The following LAPTM4A variants were observed in gnomAD, a reference collection of about 807,000 sequenced individuals.
LAPTM4A encodes the protein lysosomal-associated transmembrane protein 4A.
A neutral mutation model predicts 29.9 loss-of-function variants in LAPTM4A; 19 were observed. That is an observed-to-expected ratio of 0.64 (90% CI 0.44 to 0.93). The LOEUF (loss-of-function observed/expected upper bound fraction) is 0.93. Among genes scored for constraint, LAPTM4A ranks in the 40% least tolerant of loss-of-function variants. LAPTM4A has a pLI of 0.00. For synonymous variants in LAPTM4A, 105 were observed against 102.1 expected (o/e 1.03, Z -0.17); for missense variants, 293 against 288.5 (o/e 1.02, Z -0.11).
intron 1 of LAPTM4A, among the ~76,000 whole-genome samples, chr2:20,050,489 G>A (rs1558388187): frequency 6.6e-6 from 1 of 152,184 alleles, no homozygotes. Flanking sequence ...AGTTTGTCAC[G>A]GCTTCGGCAA....
chr2:20,037,605 C>T lies in LAPTM4A; in HGVS notation c.242G>A (p.Cys81Tyr). 1 of 1,600,692 alleles carries T rather than the reference C, an allele frequency of 6.2e-7. No individual in the cohort carries two copies. The highest frequency in any genetic ancestry group is 8.5e-7 in the Non-Finnish European group (1 of 1,174,532). The change falls in exon 3 of 7, where the codon TGT becomes TAT. Residue 81 changes from cysteine to tyrosine, a missense_variant. Physicochemically the swap from Cys to Tyr is radical, Grantham distance 194. Transcript: ENST00000175091. The stretch of plus-strand genomic sequence containing the variant: ...AAGAACAGAGACGGCAAAAAGAACA[C>T]AGGCATTATCTAAGAAAACAAAAAC... The part of the protein sequence containing the change: ...YSSERMADNA[C>Y]VLFAVSVLMF...
At chr2:20,042,067 T>A (rs1394681044) in intron 1 of LAPTM4A, among the ~76,000 whole-genome samples, 1 of 152,204 alleles carries the variant, frequency 6.6e-6, no homozygotes, top group Admixed American at 6.5e-5. Flanking sequence ...CAGAACATAA[T>A]GGGATCTCAG....
intron 1 of LAPTM4A, 111 bp downstream of exon 1, chr2:20,051,299 C>A (rs1363824389): frequency 1.4e-6 from 1 of 731,068 alleles, no homozygotes; most frequent in South Asian, 1.5e-5. Context: ...AAAAGCAGCG[C>A]CCCTCCAAGT....
At chr2:20,039,224 A>G (rs1216850886) in intron 2 of LAPTM4A, among the ~76,000 whole-genome samples, 1 of 152,192 alleles carries the variant, frequency 6.6e-6, no homozygotes, top group Non-Finnish European at 1.5e-5. Flanking sequence ...GCATGTATAT[A>G]TAATTTATCA....
At chr2:20,046,754 A>ATATATATAATAT (rs1673930419) in intron 1 of LAPTM4A, among the ~76,000 whole-genome samples, 1 of 131,786 alleles carries the variant, frequency 7.6e-6, no homozygotes, top group Non-Finnish European at 1.7e-5. Flanking sequence ...TATATTATAT[A>ATATATATAATAT]AATATATATA....
intron 2 of LAPTM4A, 137 bp downstream of exon 2, chr2:20,040,754 T>C: frequency 2.4e-6 from 2 of 824,716 alleles, no homozygotes; most frequent in Non-Finnish European, 1.9e-6. Flanking sequence ...TAGGTTTGTG[T>C]AAGTACACCC....
chr2:20,033,559 C>G (rs1201803836), intron 6 of LAPTM4A, among the ~76,000 whole-genome samples: 1 of 152,170 alleles, frequency 6.6e-6, no homozygotes, highest in Non-Finnish European at 1.5e-5. Context: ...TGCCATTGCT[C>G]TGCCCTCATT....
Position 20,047,696 on chromosome 2 carries a change from C to CAAAAAAAAAAAAAAAAAAGAAAAAAG in LAPTM4A, c.111+3713_111+3714insCTTTTTTCTTTTTTTTTTTTTTTTTT, listed in dbSNP as rs61601787. On this transcript the variant is annotated intron_variant, in intron 1 of 6. Coordinates refer to ENST00000175091, the MANE Select transcript of LAPTM4A (RefSeq NM_014713.5). ...TGGGCGACAGAGCGAGACTCCGTCTCAAAAAAAAAAAAAAAGGAAAGTTTT... is the reference window on the plus strand; with the variant it reads ...TGGGCGACAGAGCGAGACTCCGTCTCAAAAAAAAAAAAAAAAAAGAAAAAAGAAAAAAAAAAAAAAAGGAAAGTTTT... Among the ~76,000 whole-genome samples the CAAAAAAAAAAAAAAAAAAGAAAAAAG allele has an allele frequency of 6.4e-4, 49 of 76,680 alleles. No individual in the cohort carries two copies. In the East Asian group the frequency reaches 0.016, roughly 24 times the overall value. 50.3% of individuals were successfully genotyped at this position (76,680 alleles called of 152,430 possible). A position where few individuals can be genotyped will look rare whatever the true frequency, so the allele number is the denominator to read the frequency against.
chr2:20,051,357 A>G, intron 1 of LAPTM4A, 53 bp downstream of exon 1: 2 of 866,244 alleles, frequency 2.3e-6, no homozygotes, highest in Non-Finnish European at 3.4e-6. Flanking sequence ...CCTCCGCACC[A>G]GGCCCCGCTC....
chr2:20,036,199 C>G (rs942019729), intron 4 of LAPTM4A, among the ~76,000 whole-genome samples: 1 of 151,248 alleles, frequency 6.6e-6, no homozygotes, highest in Non-Finnish European at 1.5e-5. Flanking sequence ...AACAGCCCTG[C>G]CCCTGGCCAC....
chr2:20,045,722 G>C (rs1273719261), intron 1 of LAPTM4A, among the ~76,000 whole-genome samples: 1 of 152,182 alleles, frequency 6.6e-6, no homozygotes, highest in African/African-American at 2.4e-5. Flanking sequence ...TGGAAGCACA[G>C]GGCCTGAAGA....
chr2:20,032,698 CAT>C lies in LAPTM4A; in HGVS notation c.*505_*506del, dbSNP rs1282507160. 6.5e-6 allele frequency: 1 copy of C among 153,690 alleles called. No individual in the cohort carries two copies. Among genetic ancestry groups the C allele is most frequent in the African/African-American group, 2.4e-5 (1 of 41,432 alleles). 9.5% of individuals were successfully genotyped at this position (153,690 alleles called of 1,614,324 possible). A position where few individuals can be genotyped will look rare whatever the true frequency, so the allele number is the denominator to read the frequency against. On this transcript the variant is annotated 3_prime_UTR_variant, in exon 7 of 7. Transcript: ENST00000175091. ...AATCATCTTATCACAAAGATGGAAA[CAT>C]ATACAAACTAGAAACATGCAACCAT...
rs1673780107 is a variant in LAPTM4A, at chr2:20,040,822, T to C, written c.232+69A>G. ...CATTTCTCAGAATGTGTCCCCATCA[T>C]TAAACAACACAGGACTGTATATAAA... On this transcript the variant is annotated intron_variant, in intron 2 of 6. Transcript: ENST00000175091. The C allele has an allele frequency of 5.0e-6, 7 of 1,395,548 alleles. 1 individual carries two copies. In the South Asian group the frequency reaches 6.1e-5, roughly 12 times the overall value. 86.4% of individuals were successfully genotyped at this position (1,395,548 alleles called of 1,614,324 possible).
chr2:20,036,949 A>G (rs1673690911), intron 4 of LAPTM4A, among the ~76,000 whole-genome samples: 1 of 152,252 alleles, frequency 6.6e-6, no homozygotes, highest in Non-Finnish European at 1.5e-5. Flanking sequence ...CTAAAAACAT[A>G]GTAGGCACTG....
At chr2:20,034,098 A>G (rs986558250) in intron 6 of LAPTM4A, among the ~76,000 whole-genome samples, 3 of 152,182 alleles carry the variant, frequency 2.0e-5, no homozygotes, top group African/African-American at 7.2e-5. Context: ...CTAATGAGTA[A>G]ATCTAACAGC....
intron 4 of LAPTM4A, 123 bp downstream of exon 4, chr2:20,037,193 T>C: frequency 1.3e-6 from 1 of 767,192 alleles, no homozygotes. Context: ...AATAATTATT[T>C]TAAGACACTT....
chr2:20,038,692 G>C (rs1354269168), intron 2 of LAPTM4A, among the ~76,000 whole-genome samples: 1 of 152,030 alleles, frequency 6.6e-6, no homozygotes, highest in African/African-American at 2.4e-5. Context: ...TAAGAAACTG[G>C]GGGGGATGGG....
rs147668320 is a variant in LAPTM4A, at chr2:20,051,412, T to C, written c.109A>G (p.Met37Val). ...TGTIILGTWY[M>V]VVNLLMAILL... ...CGCGCCACGCCTGCCCGCCTTACCA[T>C]GTACCAGGTCCCCAGGATGATCGTC... The change falls in exon 1 of 7, where the codon ATG becomes GTG. Residue 37 changes from methionine to valine, a missense_variant and splice_region_variant. Coordinates refer to ENST00000175091, the MANE Select transcript of LAPTM4A (RefSeq NM_014713.5). 8 of 1,473,612 alleles carry C rather than the reference T, an allele frequency of 5.4e-6. No homozygotes were observed. Among genetic ancestry groups the C allele is most frequent in the East Asian group, 2.9e-5 (1 of 34,298 alleles). 91.3% of individuals were successfully genotyped at this position (1,473,612 alleles called of 1,614,324 possible).
chr2:20,046,389 G>A (rs959684412), intron 1 of LAPTM4A, among the ~76,000 whole-genome samples: 4 of 152,112 alleles, frequency 2.6e-5, no homozygotes, highest in Middle Eastern at 3.4e-3. Context: ...ACTGTTACAT[G>A]CAGATACAAC....
Sources: gnomAD v4.1 joint callset for allele counts (sites outside exome capture counted in the v4.1 genomes callset) on GRCh38, gnomAD v4.1.1 for gene constraint, MANE v1.5 for transcripts, NCBI Gene and HGNC (gene_info 2026-07-23, HGNC 2026-07-21) for gene names.